Variants in TNR observed in about 807,000 individuals in gnomAD.
TNR encodes tenascin-R.
TNR carries 45 observed loss-of-function variants against 150.4 expected under a neutral mutation model. The ratio of observed to expected loss-of-function variants is 0.30; its 90% CI spans 0.24 to 0.38. The LOEUF is 0.38. Among genes scored for constraint, TNR ranks in the 10% least tolerant of loss-of-function variants. The pLI, the probability that TNR is intolerant of heterozygous loss-of-function variation, is 1.00. For missense variants in TNR, 1,544 were observed against 1,759.1 expected (o/e 0.88, Z 2.19); for synonymous variants, 687 against 678.4 (o/e 1.01, Z -0.20).
intron 2 of TNR, among the ~76,000 whole-genome samples, chr1:175,416,056 G>A (rs1272461448): frequency 2.0e-5 from 3 of 152,042 alleles, no homozygotes; most frequent in Admixed American, 2.0e-4. Context: ...ATTTAAGTGA[G>A]AATTTATTTG....
chr1:175,478,814 C>T (rs1657659095), intron 2 of TNR, among the ~76,000 whole-genome samples: 1 of 152,210 alleles, frequency 6.6e-6, no homozygotes, highest in African/African-American at 2.4e-5. Context: ...TGTGCTTAAG[C>T]TGTCAGCATT....
intron 8 of TNR, 103 bp from the exon 9 acceptor site, chr1:175,379,840 CT>C (rs1652591816): frequency 1.5e-6 from 2 of 1,304,994 alleles, no homozygotes; most frequent in Non-Finnish European, 2.1e-6. Context: ...CCCACACCCC[CT>C]GACCCTCTGG....
At chr1:175,723,557 T>C (rs911494992) in intron 1 of TNR, among the ~76,000 whole-genome samples, 2 of 152,236 alleles carry the variant, frequency 1.3e-5, no homozygotes, top group African/African-American at 4.8e-5. Flanking sequence ...TTAGAATATA[T>C]ACGTATGTAT....
intron 2 of TNR, among the ~76,000 whole-genome samples, chr1:175,415,089 A>C (rs1170475708): frequency 2.0e-5 from 3 of 150,664 alleles, no homozygotes; most frequent in African/African-American, 7.3e-5. Context: ...CTCCGTCCTT[A>C]GGGGTGATTT....
chr1:175,649,013 C>A (rs1453131070), intron 1 of TNR, among the ~76,000 whole-genome samples: 2 of 152,226 alleles, frequency 1.3e-5, no homozygotes, highest in Non-Finnish European at 2.9e-5. Flanking sequence ...TCCACACTGA[C>A]CTCTATGACC....
chr1:175,692,277 G>GCT (rs3032568), intron 1 of TNR, among the ~76,000 whole-genome samples: 96,894 of 151,916 alleles, frequency 0.64, 31,646 homozygotes, highest in East Asian at 0.96. Flanking sequence ...AAAAGACCTG[G>GCT]CTCTGCCCCT....
At chr1:175,402,666 C>G (rs1273424100) in intron 4 of TNR, among the ~76,000 whole-genome samples, 1 of 152,160 alleles carries the variant, frequency 6.6e-6, no homozygotes, top group African/African-American at 2.4e-5. Flanking sequence ...AATCAGAGAG[C>G]CTCACAGACC....
At chr1:175,662,283 C>T (rs573488991) in intron 1 of TNR, among the ~76,000 whole-genome samples, 1 of 152,280 alleles carries the variant, frequency 6.6e-6, no homozygotes, top group East Asian at 1.9e-4. Flanking sequence ...TTCCTTCCTC[C>T]TGTAGGGTCT....
intron 1 of TNR, among the ~76,000 whole-genome samples, chr1:175,738,135 TGAACGTCATAGG>T (rs1667826658): frequency 6.6e-6 from 1 of 152,164 alleles, no homozygotes; most frequent in South Asian, 2.1e-4. Context: ...GCCACCTGCT[TGAACGTCATAGG>T]GAAAGTGTAC....
intron 4 of TNR, among the ~76,000 whole-genome samples, chr1:175,402,795 G>C (rs185879398): frequency 1.3e-5 from 2 of 152,260 alleles, no homozygotes; most frequent in East Asian, 3.9e-4. Context: ...GAATGGCCTT[G>C]CCTAAGGTGG....
chr1:175,367,225 G>C lies in TNR; in HGVS notation c.2036C>G (p.Thr679Ser), dbSNP rs1014610724. 3 of 1,614,016 alleles carry C rather than the reference G, an allele frequency of 1.9e-6. No individual in the cohort carries two copies. Among genetic ancestry groups the C allele is most frequent in the Non-Finnish European group, 2.5e-6 (3 of 1,180,010 alleles). Residue 679 changes from threonine (T) to serine (S), a missense_variant, in exon 10 of 23, where the codon ACC becomes AGC. Transcript: ENST00000367674. ...CTACTCACCAGTCCTGGCATTCATGGTGGCTGGCACGCTTTGCTGTGAGTT... is the reference window on the plus strand; with the variant it reads ...CTACTCACCAGTCCTGGCATTCATGCTGGCTGGCACGCTTTGCTGTGAGTT... ...VMNSQQSVPATMNARTELDSP... is the reference protein window; with the variant it reads ...VMNSQQSVPASMNARTELDSP...
Position 175,568,066 on chromosome 1 carries a change from C to T in TNR, c.-164-39697G>A, listed in dbSNP as rs75028733. Among the ~76,000 whole-genome samples the T allele has an allele frequency of 1.7e-3, 261 of 152,224 alleles. 4 individuals are homozygous for T. In the East Asian group the frequency reaches 0.042, roughly 24 times the overall value. On this transcript the variant is annotated intron_variant, in intron 1 of 22. Coordinates refer to ENST00000367674, the MANE Select transcript of TNR (RefSeq NM_003285.3). ...AATATTTTCAAGTTTCTTGTTTGAC[C>T]TTGCTGAAGGCAACATGAGCTCTTA...
intron 1 of TNR, among the ~76,000 whole-genome samples, chr1:175,637,310 G>A (rs1246826892): frequency 6.6e-6 from 1 of 152,184 alleles, no homozygotes; most frequent in African/African-American, 2.4e-5. Flanking sequence ...CATTACTACT[G>A]ATGTTCAGGG....
intron 1 of TNR, among the ~76,000 whole-genome samples, chr1:175,530,911 C>A (rs1660040150): frequency 6.6e-6 from 1 of 152,136 alleles, no homozygotes; most frequent in Non-Finnish European, 1.5e-5. Context: ...TCATTGGCAG[C>A]AACCATTTAC....
In TNR at chr1:175,637,693, T is replaced by C. The variant is rs1033473720; in HGVS notation, c.-165+105533A>G. On this transcript the variant is annotated intron_variant, in intron 1 of 22. Coordinates refer to ENST00000367674, the MANE Select transcript of TNR (RefSeq NM_003285.3). ...AGGTATCAGCTAATCAATGGCTGGA[T>C]AATTAAGTGTTGGATGAACTTCAGT... 4.6e-5 allele frequency among the ~76,000 whole-genome samples: 7 copies of C among 152,284 alleles called. No homozygotes were observed. The East Asian group carries it at 9.7e-4, about 21-fold the overall frequency.
At chr1:175,378,245 C>G (rs953835902) in intron 9 of TNR, among the ~76,000 whole-genome samples, 1 of 152,218 alleles carries the variant, frequency 6.6e-6, no homozygotes, top group Non-Finnish European at 1.5e-5. Context: ...TGACTCGGCT[C>G]TCATTTTATC....
Position 175,489,074 on chromosome 1 carries a change from A to T in TNR, c.-64+39195T>A, listed in dbSNP as rs138151847. Among the ~76,000 whole-genome samples, 8 of 152,304 alleles carry T rather than the reference A, an allele frequency of 5.3e-5. No homozygotes were observed. In the East Asian group the frequency reaches 1.5e-3, roughly 29 times the overall value. On this transcript the variant is annotated intron_variant, in intron 2 of 22. Transcript: ENST00000367674. ...TAATTTACTTGTTTGCAGCTACACA[A>T]TAGTTTAGATGCCCTTTCAATGCTG...
chr1:175,605,147 T>G (rs577450009), intron 1 of TNR, among the ~76,000 whole-genome samples: 2 of 152,194 alleles, frequency 1.3e-5, no homozygotes, highest in African/African-American at 4.8e-5. Flanking sequence ...TAAAGATTTA[T>G]CAATAGATGA....
At chr1:175,474,057 G>A (rs1571492018) in intron 2 of TNR, among the ~76,000 whole-genome samples, 3 of 152,124 alleles carry the variant, frequency 2.0e-5, no homozygotes, top group East Asian at 1.9e-4. Context: ...TGTTACTGGC[G>A]GATATATTTC....
Sources: gnomAD v4.1 joint callset for allele counts (sites outside exome capture counted in the v4.1 genomes callset) on GRCh38, gnomAD v4.1.1 for gene constraint, MANE v1.5 for transcripts, NCBI Gene and HGNC (gene_info 2026-07-23, HGNC 2026-07-21) for gene names.